The following MBNL1 variants were observed in gnomAD, a reference collection of about 807,000 sequenced individuals.
MBNL1 encodes the protein muscleblind like splicing regulator 1.
A neutral mutation model predicts 42.2 loss-of-function variants in MBNL1; 8 were observed. The observed-to-expected ratio is 0.19, with a 90% confidence interval of 0.11 to 0.34. MBNL1 has a LOEUF of 0.34. MBNL1 is among the 10% of genes least tolerant of loss of function. The probability of loss-of-function intolerance (pLI) is 1.00; values close to 1 mark genes in which losing one functional copy is unlikely to be tolerated. For synonymous variants in MBNL1, 169 were observed against 173.9 expected, an observed-to-expected ratio of 0.97 and a Z score of 0.22; for missense variants, 309 against 495.3, an observed-to-expected ratio of 0.62 and a Z score of 3.57.
At chr3:152,363,938 A>G (rs1225922260) in intron 2 of MBNL1, among the ~76,000 whole-genome samples, 1 of 152,108 alleles carries the variant, frequency 6.6e-6, no homozygotes, top group Non-Finnish European at 1.5e-5. Flanking sequence ...ACGCTTTTTC[A>G]TACTCTTTCT....
At chr3:152,425,381 T>A (rs1003234992) in intron 3 of MBNL1, among the ~76,000 whole-genome samples, 13 of 151,756 alleles carry the variant, frequency 8.6e-5, no homozygotes, top group Admixed American at 1.3e-4. Flanking sequence ...CCCAGCACTT[T>A]GGGAGGCCAG....
At chr3:152,407,850 G>A (rs897242191) in intron 2 of MBNL1, among the ~76,000 whole-genome samples, 1 of 151,826 alleles carries the variant, frequency 6.6e-6, no homozygotes, top group Non-Finnish European at 1.5e-5. Context: ...GGAGCTGGAA[G>A]GCATTTTCCT....
At chr3:152,256,723 T>A (rs1272559100) in intron 2 of MBNL1, among the ~76,000 whole-genome samples, 1 of 152,166 alleles carries the variant, frequency 6.6e-6, no homozygotes, top group Non-Finnish European at 1.5e-5. Flanking sequence ...CTGAAAAGAC[T>A]CTTTTTAAAT....
chr3:152,286,357 T>C (rs113173107), intron 1 of MBNL1, among the ~76,000 whole-genome samples: 1,807 of 127,834 alleles, frequency 0.014, 32 homozygotes, highest in Middle Eastern at 0.052. Flanking sequence ...TATAAATATT[T>C]ATATTTTATT....
intron 2 of MBNL1, among the ~76,000 whole-genome samples, chr3:152,260,275 C>G (rs976436287): frequency 2.6e-5 from 4 of 152,156 alleles, no homozygotes; most frequent in African/African-American, 9.7e-5. Flanking sequence ...CAGGCCCTGT[C>G]AGCAGTTACT....
At chr3:152,387,622 C>T (rs1027451552) in intron 2 of MBNL1, among the ~76,000 whole-genome samples, 1 of 152,048 alleles carries the variant, frequency 6.6e-6, no homozygotes, top group African/African-American at 2.4e-5. Flanking sequence ...ACTGTCCTTA[C>T]TGTGTTTTTG....
chr3:152,258,543 A>C (rs2035774944), intron 2 of MBNL1, among the ~76,000 whole-genome samples: 1 of 152,222 alleles, frequency 6.6e-6, no homozygotes, highest in Non-Finnish European at 1.5e-5. Flanking sequence ...CCCTGTTGCC[A>C]AGAGCAGCCA....
At chr3:152,429,680 A>G (rs1190291994) in intron 3 of MBNL1, among the ~76,000 whole-genome samples, 1 of 152,120 alleles carries the variant, frequency 6.6e-6, no homozygotes, top group African/African-American at 2.4e-5. Flanking sequence ...GCACTCTCTG[A>G]TGGGGCTAGC....
At chr3:152,257,235 G>T (rs1033391141) in intron 2 of MBNL1, among the ~76,000 whole-genome samples, 11 of 152,068 alleles carry the variant, frequency 7.2e-5, no homozygotes, top group Non-Finnish European at 1.6e-4. Flanking sequence ...TTCCTGACCT[G>T]GGCATATTAA....
chr3:152,277,642 A>ACTGGTTTTT (rs2046041851), intron 1 of MBNL1, among the ~76,000 whole-genome samples: 1 of 152,146 alleles, frequency 6.6e-6, no homozygotes, highest in Non-Finnish European at 1.5e-5. Flanking sequence ...TTCAAATAGA[A>ACTGGTTTTT]TAGAAAGCTT....
intron 3 of MBNL1, among the ~76,000 whole-genome samples, chr3:152,428,298 T>G (rs974939810): frequency 6.6e-6 from 1 of 152,176 alleles, no homozygotes; most frequent in Non-Finnish European, 1.5e-5. Flanking sequence ...ATACATAACA[T>G]GAACAAGACA....
intron 2 of MBNL1, among the ~76,000 whole-genome samples, chr3:152,311,920 G>T (rs1437612477): frequency 6.6e-6 from 1 of 151,740 alleles, no homozygotes; most frequent in Non-Finnish European, 1.5e-5. Flanking sequence ...GATGGGCGCG[G>T]TGGCTCACGC....
At chr3:152,340,850 C>T in intron 2 of MBNL1, 1 of 1,613,834 alleles carries the variant, frequency 6.2e-7, no homozygotes, top group Non-Finnish European at 8.5e-7. Flanking sequence ...GCCAGTGCTG[C>T]ATAGACAAAG....
chr3:152,343,012 T>C, intron 2 of MBNL1, among the ~76,000 whole-genome samples: 1 of 152,162 alleles, frequency 6.6e-6, no homozygotes, highest in East Asian at 1.9e-4. Flanking sequence ...ATAATCTTAG[T>C]AGATGATCTT....
intron 4 of MBNL1, among the ~76,000 whole-genome samples, chr3:152,443,339 A>C (rs1439865211): frequency 6.6e-6 from 1 of 152,186 alleles, no homozygotes; most frequent in Non-Finnish European, 1.5e-5. Flanking sequence ...TCAAGAAAGC[A>C]GGAATTACTG....
chr3:152,354,416 T>C (rs949409169), intron 2 of MBNL1, among the ~76,000 whole-genome samples: 4 of 152,162 alleles, frequency 2.6e-5, no homozygotes, highest in Admixed American at 2.6e-4. Flanking sequence ...GGTGGTGCCA[T>C]GGCCCTCCAG....
At chr3:152,420,746 A>G (rs943820381) in intron 3 of MBNL1, among the ~76,000 whole-genome samples, 1 of 152,220 alleles carries the variant, frequency 6.6e-6, no homozygotes, top group Non-Finnish European at 1.5e-5. Flanking sequence ...CAGCAAGGGA[A>G]CAAAACTGGA....
intron 2 of MBNL1, among the ~76,000 whole-genome samples, chr3:152,378,893 T>G (rs144859057): frequency 2.0e-5 from 3 of 151,782 alleles, no homozygotes; most frequent in East Asian, 3.9e-4. Context: ...ATAATTGCAT[T>G]TTTTTAGAGA....
At chr3:152,387,351 A>T (rs1040680509) in intron 2 of MBNL1, among the ~76,000 whole-genome samples, 1 of 152,118 alleles carries the variant, frequency 6.6e-6, no homozygotes, top group South Asian at 2.1e-4. Context: ...AACTGTTATT[A>T]AATGAAAGCT....
Sources: gnomAD v4.1 joint callset for allele counts (sites outside exome capture counted in the v4.1 genomes callset) on GRCh38, gnomAD v4.1.1 for gene constraint, MANE v1.5 for transcripts, NCBI Gene and HGNC (gene_info 2026-07-23, HGNC 2026-07-21) for gene names.